RIMS3: variants seen among roughly 807,000 people sequenced by gnomAD.
The protein encoded by RIMS3 is regulating synaptic membrane exocytosis 3.
In RIMS3, 15 loss-of-function variants were observed where a neutral mutation model predicts 29.2. The observed-to-expected ratio is 0.51, with a 90% CI of 0.34 to 0.79. RIMS3 has a LOEUF of 0.79. Among genes scored for constraint, RIMS3 ranks in the 30% least tolerant of loss-of-function variants. The pLI, the probability that RIMS3 is intolerant of heterozygous loss-of-function variation, is 0.01. For missense variants in RIMS3, 342 were observed against 421.4 expected, an observed-to-expected ratio of 0.81 and a Z score of 1.65; for synonymous variants, 161 against 170.1, an observed-to-expected ratio of 0.95 and a Z score of 0.41.
At chr1:40,657,770 A>C (rs1408072197) in intron 1 of RIMS3, among the ~76,000 whole-genome samples, 1 of 127,086 alleles carries the variant, frequency 7.9e-6, no homozygotes, top group Admixed American at 7.7e-5. Context: ...AAAAAAAAAA[A>C]TTAGCCAGGC....
At chr1:40,632,425 TA>T in intron 5 of RIMS3, among the ~76,000 whole-genome samples, 1 of 27,220 alleles carries the variant, frequency 3.7e-5, no homozygotes, top group South Asian at 6.4e-4. Flanking sequence ...AATTTATATA[TA>T]TATATATATA....
At chr1:40,648,267 C>T (rs533633858) in intron 1 of RIMS3, among the ~76,000 whole-genome samples, 8 of 152,318 alleles carry the variant, frequency 5.3e-5, no homozygotes, top group Admixed American at 3.9e-4. Context: ...TGAGCAGGTC[C>T]TTCAGCTTCT....
the RIMS3 span, among the ~76,000 whole-genome samples, chr1:40,674,820 C>T: frequency 1.1e-4 from 16 of 152,202 alleles, no homozygotes; most frequent in Admixed American, 6.5e-5. Flanking sequence ...ACTTACCAGG[C>T]TTTAGAGCTG....
Position 40,628,957 on chromosome 1 carries a change from AG to A in RIMS3, c.575-9del, listed in dbSNP as rs771955131. ...AAACCTTGATATAGGTGGCTAAGGG[AG>A]GAGAGAATGTATGACAGGGAGGGGT... On this transcript the variant is annotated splice_polypyrimidine_tract_variant and intron_variant, in intron 6 of 7. Coordinates refer to ENST00000372684, the MANE Select transcript of RIMS3 (RefSeq NM_014747.3). 1 of 1,612,836 alleles carries A rather than the reference AG, an allele frequency of 6.2e-7. No homozygotes were observed. The highest frequency in any genetic ancestry group is 8.5e-7 in the Non-Finnish European group (1 of 1,179,978).
the RIMS3 span, among the ~76,000 whole-genome samples, chr1:40,673,753 C>T: frequency 6.6e-6 from 1 of 152,204 alleles, no homozygotes; most frequent in Non-Finnish European, 1.5e-5. Context: ...AGATGGTCCC[C>T]TGTGCTCTAA....
Position 40,624,922 on chromosome 1 carries a change from GGA to G in RIMS3, c.*1593_*1594del, listed in dbSNP as rs962873013. 8.2e-4 allele frequency: 125 copies of G among 152,760 alleles called. No individual in the cohort carries two copies. The highest frequency in any genetic ancestry group is 2.9e-3 in the African/African-American group (122 of 41,536). 9.5% of individuals were successfully genotyped at this position (152,760 alleles called of 1,614,324 possible). A position where few individuals can be genotyped will look rare whatever the true frequency, so the allele number is the denominator to read the frequency against. The stretch of plus-strand genomic sequence containing the variant: ...ATTTCAGCACCTGGGGATAATGCCT[GGA>G]GAGAGGTGGAAAGAGTGCCTTCCAC... On this transcript the variant is annotated 3_prime_UTR_variant, in exon 8 of 8. Transcript: ENST00000372684.
chr1:40,687,707 T>A, the RIMS3 span: 1 of 152,100 alleles, frequency 6.6e-6, no homozygotes, highest in Non-Finnish European at 1.5e-5. Flanking sequence ...AGAGCCTTAA[T>A]TTAACCATAA....
At chr1:40,655,343 AG>A (rs1255923191) in intron 1 of RIMS3, among the ~76,000 whole-genome samples, 1 of 152,022 alleles carries the variant, frequency 6.6e-6, no homozygotes, top group Non-Finnish European at 1.5e-5. Flanking sequence ...TAGGGTATGC[AG>A]CCCCTACTCC....
the RIMS3 span, among the ~76,000 whole-genome samples, chr1:40,672,450 G>A: frequency 3.9e-3 from 591 of 150,856 alleles, 2 homozygotes; most frequent in Admixed American, 7.1e-3. Flanking sequence ...CACCTGCCTC[G>A]GCCTCCTAAA....
At chr1:40,684,833 C>A in the RIMS3 span, among the ~76,000 whole-genome samples, 1 of 152,180 alleles carries the variant, frequency 6.6e-6, no homozygotes, top group East Asian at 1.9e-4. Flanking sequence ...GTAGCTAAAT[C>A]CTCTGTAGTA....
the RIMS3 span, among the ~76,000 whole-genome samples, chr1:40,673,149 C>T: frequency 6.6e-6 from 1 of 152,014 alleles, no homozygotes; most frequent in African/African-American, 2.4e-5. Context: ...CACTGCACTC[C>T]AGCCTGGAGA....
At position 40,623,494 on chromosome 1, in the gene RIMS3, C is replaced by T. The variant is rs185449675; in HGVS notation, c.*3023G>A. 5.7e-4 allele frequency: 227 copies of T among 398,680 alleles called. 1 individual carries two copies. The highest frequency in any genetic ancestry group is 8.7e-4 in the Non-Finnish European group (197 of 226,128). 24.7% of individuals were successfully genotyped at this position (398,680 alleles called of 1,614,324 possible). ...GCCACTCCTGTCTCTGCCATATGCACAGTGAACCTCGCCTGACCAGAGGAG... is the reference window on the plus strand; with the variant it reads ...GCCACTCCTGTCTCTGCCATATGCATAGTGAACCTCGCCTGACCAGAGGAG... On this transcript the variant is annotated 3_prime_UTR_variant, in exon 8 of 8. Coordinates refer to ENST00000372684, the MANE Select transcript of RIMS3 (RefSeq NM_014747.3).
chr1:40,637,091 C>T (rs756986950), intron 3 of RIMS3, among the ~76,000 whole-genome samples: 6 of 152,112 alleles, frequency 3.9e-5, no homozygotes, highest in East Asian at 1.9e-4. Flanking sequence ...AGAGGCCAAG[C>T]GAATTAACAG....
rs1484827717 is a variant in RIMS3, at chr1:40,621,458, C to G, written c.*5059G>C. 1.3e-5 allele frequency: 2 copies of G among 152,146 alleles called. No homozygotes were observed. The highest frequency in any genetic ancestry group is 4.8e-5 in the African/African-American group (2 of 41,428). 9.4% of individuals were successfully genotyped at this position (152,146 alleles called of 1,614,324 possible). A position where few individuals can be genotyped will look rare whatever the true frequency, so the allele number is the denominator to read the frequency against. On this transcript the variant is annotated 3_prime_UTR_variant, in exon 8 of 8. Coordinates refer to ENST00000372684, the MANE Select transcript of RIMS3 (RefSeq NM_014747.3). ...TCTGAGGCAGCATCTGGGCATGGAC[C>G]AGATGAGAGCCTGCACCCAGCCTGG...
intron 5 of RIMS3, among the ~76,000 whole-genome samples, chr1:40,630,349 C>T (rs1432930579): frequency 6.6e-6 from 1 of 152,156 alleles, no homozygotes; most frequent in Non-Finnish European, 1.5e-5. Context: ...TTTTGTTCAA[C>T]ATTGGTTGGC....
chr1:40,658,988 C>T (rs776546952), intron 1 of RIMS3, among the ~76,000 whole-genome samples: 11 of 152,150 alleles, frequency 7.2e-5, no homozygotes, highest in Admixed American at 1.3e-4. Flanking sequence ...ACTGTGCCTA[C>T]GTCGGAGAAG....
At chr1:40,682,502 C>G in the RIMS3 span, among the ~76,000 whole-genome samples, 1 of 151,964 alleles carries the variant, frequency 6.6e-6, no homozygotes, top group Non-Finnish European at 1.5e-5. Flanking sequence ...TCAGGACACA[C>G]TTTTGAGTTC....
chr1:40,669,771 A>G (rs1465358820), upstream of RIMS3, among the ~76,000 whole-genome samples: 1 of 152,120 alleles, frequency 6.6e-6, no homozygotes, highest in East Asian at 1.9e-4. Context: ...GGGTGCAAAG[A>G]TTTTTTTGAA....
intron 2 of RIMS3, among the ~76,000 whole-genome samples, chr1:40,643,740 A>G (rs1278883841): frequency 1.3e-5 from 2 of 152,092 alleles, no homozygotes; most frequent in Admixed American, 1.3e-4. Flanking sequence ...CGGCCTCCCA[A>G]AGTTCTGGGA....
Sources: gnomAD v4.1 joint callset for allele counts (sites outside exome capture counted in the v4.1 genomes callset) on GRCh38, gnomAD v4.1.1 for gene constraint, MANE v1.5 for transcripts, NCBI Gene and HGNC (gene_info 2026-07-23, HGNC 2026-07-21) for gene names.